Variants in RAB8B observed in about 807,000 individuals in gnomAD.
RAB8B encodes the protein RAB8B, member RAS oncogene family.
In RAB8B, 11 loss-of-function variants were observed where a neutral mutation model predicts 32.0. That is an observed-to-expected ratio of 0.34 (90% CI 0.22 to 0.57). The LOEUF (loss-of-function observed/expected upper bound fraction) is 0.57, where lower values mean the gene tolerates loss of function less well. Among genes scored for constraint, RAB8B ranks in the 20% least tolerant of loss-of-function variants. RAB8B has a pLI of 0.86. For missense variants in RAB8B, 190 were observed against 258.5 expected, an observed-to-expected ratio of 0.73 and a Z score of 1.82; for synonymous variants, 103 against 89.6, an observed-to-expected ratio of 1.15 and a Z score of -0.85.
At chr15:63,229,225 G>A (rs935932514) in intron 1 of RAB8B, among the ~76,000 whole-genome samples, 1 of 152,290 alleles carries the variant, frequency 6.6e-6, no homozygotes, top group South Asian at 2.1e-4. Context: ...TATTTTCCAG[G>A]AAGTATTTCT....
intron 4 of RAB8B, 29 bp downstream of exon 4, chr15:63,255,613 G>A (rs2038152883): frequency 2.0e-6 from 3 of 1,529,708 alleles, no homozygotes; most frequent in Non-Finnish European, 9.1e-7. Flanking sequence ...TGGTGACATT[G>A]GAGAAGAGTC....
At chr15:63,211,221 A>G (rs2037744295) in intron 1 of RAB8B, among the ~76,000 whole-genome samples, 1 of 152,242 alleles carries the variant, frequency 6.6e-6, no homozygotes, top group Non-Finnish European at 1.5e-5. Flanking sequence ...TTTATTGACA[A>G]GAGAACAAAT....
chr15:63,261,548 A>G (rs2038203531), intron 6 of RAB8B, among the ~76,000 whole-genome samples: 1 of 152,182 alleles, frequency 6.6e-6, no homozygotes, highest in African/African-American at 2.4e-5. Context: ...ATAATTTGCA[A>G]CAGTATGGAT....
chr15:63,239,109 C>T (rs1015377865), intron 1 of RAB8B, among the ~76,000 whole-genome samples: 2 of 152,042 alleles, frequency 1.3e-5, no homozygotes, highest in Non-Finnish European at 2.9e-5. Context: ...ATCTCTGAAC[C>T]CCATTCACCA....
chr15:63,225,795 G>C (rs1272572650), intron 1 of RAB8B, among the ~76,000 whole-genome samples: 1 of 151,948 alleles, frequency 6.6e-6, no homozygotes, highest in Non-Finnish European at 1.5e-5. Flanking sequence ...CTTTTTTCTT[G>C]TTTAGCTCAT....
chr15:63,219,004 A>T (rs188755089), intron 1 of RAB8B, among the ~76,000 whole-genome samples: 1,169 of 94,644 alleles, frequency 0.012, 35 homozygotes, highest in African/African-American at 0.046. Context: ...CCAGCAGTGG[A>T]TTTTTTTTTT....
At chr15:63,214,978 C>T (rs896523553) in intron 1 of RAB8B, among the ~76,000 whole-genome samples, 3 of 152,198 alleles carry the variant, frequency 2.0e-5, no homozygotes, top group African/African-American at 7.2e-5. Context: ...CTTATGGAGT[C>T]AGGAGTTTGC....
chr15:63,204,710 T>C (rs2037683363), intron 1 of RAB8B, among the ~76,000 whole-genome samples: 1 of 152,252 alleles, frequency 6.6e-6, no homozygotes, highest in Admixed American at 6.5e-5. Context: ...AAGATGCTGC[T>C]TCCATCTCAA....
Position 63,256,579 on chromosome 15 carries a change from AG to A in RAB8B, c.400del (p.Glu134LysfsTer6). On this transcript the variant is annotated frameshift_variant, in exon 5 of 8. Coordinates refer to ENST00000321437, the MANE Select transcript of RAB8B (RefSeq NM_016530.3). LOFTEE classifies it high-confidence loss of function. ...DMNDKRQVSK[E>X]RGEKLAIDYG... is the part of the protein sequence containing the mutation. The stretch of plus-strand genomic sequence containing the variant: ...TGAATGACAAAAGACAAGTGTCAAA[AG>A]AAAGAGGGGAGAAGGTAAATGTGAA... 6.2e-7 allele frequency: 1 copy of A among 1,600,722 alleles called. No homozygotes were observed. Among genetic ancestry groups the A allele is most frequent in the Non-Finnish European group, 8.5e-7 (1 of 1,173,760 alleles).
chr15:63,237,696 T>C (rs1418108281), intron 1 of RAB8B, among the ~76,000 whole-genome samples: 1 of 152,222 alleles, frequency 6.6e-6, no homozygotes, highest in Admixed American at 6.5e-5. Context: ...CTCTTCACTT[T>C]GCTCATTGTT....
intron 1 of RAB8B, among the ~76,000 whole-genome samples, chr15:63,226,476 T>G (rs547291229): frequency 6.6e-6 from 1 of 152,342 alleles, no homozygotes; most frequent in African/African-American, 2.4e-5. Flanking sequence ...GTATATTACC[T>G]ATGCAAAATA....
At chr15:63,226,749 A>G (rs1335300867) in intron 1 of RAB8B, among the ~76,000 whole-genome samples, 1 of 152,220 alleles carries the variant, frequency 6.6e-6, no homozygotes, top group African/African-American at 2.4e-5. Flanking sequence ...CTTGGATCTC[A>G]TGTAAGAAAG....
At chr15:63,203,143 A>G (rs779298601) in intron 1 of RAB8B, among the ~76,000 whole-genome samples, 4 of 152,248 alleles carry the variant, frequency 2.6e-5, no homozygotes, top group Non-Finnish European at 2.9e-5. Context: ...TGTCAACAGT[A>G]AACTTCCTGG....
At chr15:63,243,699 G>A (rs1431192359) in intron 1 of RAB8B, among the ~76,000 whole-genome samples, 1 of 152,110 alleles carries the variant, frequency 6.6e-6, no homozygotes, top group Non-Finnish European at 1.5e-5. Flanking sequence ...TTTGGGGAAG[G>A]GGGCAGGCCT....
chr15:63,240,250 A>G (rs2038021028), intron 1 of RAB8B, among the ~76,000 whole-genome samples: 1 of 152,136 alleles, frequency 6.6e-6, no homozygotes, highest in South Asian at 2.1e-4. Context: ...CCAGGGAGAG[A>G]TGTTGGCACA....
At chr15:63,238,049 T>C (rs1176539382) in intron 1 of RAB8B, among the ~76,000 whole-genome samples, 1 of 152,094 alleles carries the variant, frequency 6.6e-6, no homozygotes, top group Non-Finnish European at 1.5e-5. Context: ...ACTGTAGATA[T>C]ATAGATTTAT....
At chr15:63,216,585 T>TA (rs1436627429) in intron 1 of RAB8B, among the ~76,000 whole-genome samples, 2 of 150,648 alleles carry the variant, frequency 1.3e-5, no homozygotes, top group Non-Finnish European at 3.0e-5. Context: ...ACTTGTGGCT[T>TA]GTCTCGGTGG....
Position 63,256,575 on chromosome 15 carries a change from C to G in RAB8B, c.395C>G (p.Ser132Ter), listed in dbSNP as rs1029331888. Residue 132 changes from serine to a stop codon, truncating the protein, a stop_gained, in exon 5 of 8, where the codon TCA (serine) becomes TGA (stop). Transcript: ENST00000321437. LOFTEE classifies it high-confidence loss of function. ...KCDMNDKRQV[S>*]KERGEKLAID... ...GATATGAATGACAAAAGACAAGTGT[C>G]AAAAGAAAGAGGGGAGAAGGTAAAT... is the stretch of plus-strand genomic sequence containing the variant. 1.3e-6 allele frequency: 2 copies of G among 1,599,226 alleles called. No homozygotes were observed. The highest frequency in any genetic ancestry group is 1.7e-6 in the Non-Finnish European group (2 of 1,173,782).
At chr15:63,220,470 G>A (rs2037835348) in intron 1 of RAB8B, among the ~76,000 whole-genome samples, 1 of 151,836 alleles carries the variant, frequency 6.6e-6, no homozygotes, top group Admixed American at 6.6e-5. Context: ...TTAAATGGAG[G>A]GAAAGACAGT....
Sources: gnomAD v4.1 joint callset for allele counts (sites outside exome capture counted in the v4.1 genomes callset) on GRCh38, gnomAD v4.1.1 for gene constraint, MANE v1.5 for transcripts, NCBI Gene and HGNC (gene_info 2026-07-23, HGNC 2026-07-21) for gene names.